CDC123: variants seen among roughly 807,000 people sequenced by gnomAD.
The protein encoded by CDC123 is cell division cycle 123.
Under a neutral mutation model 54.4 loss-of-function variants are expected in CDC123, and 37 were observed. The observed-to-expected ratio is 0.68, with a 90% CI of 0.52 to 0.89. The LOEUF is 0.89. Among genes scored for constraint, CDC123 ranks in the 40% least tolerant of loss-of-function variants. The probability of loss-of-function intolerance (pLI) is 0.00; values close to 1 mark genes in which losing one functional copy is unlikely to be tolerated. For missense variants in CDC123, 361 were observed against 412.1 expected, an observed-to-expected ratio of 0.88 and a Z score of 1.07; for synonymous variants, 144 against 136.8, an observed-to-expected ratio of 1.05 and a Z score of -0.37.
chr10:12,240,975 A>G (rs964205161), intron 10 of CDC123, among the ~76,000 whole-genome samples: 1 of 152,144 alleles, frequency 6.6e-6, no homozygotes, highest in Non-Finnish European at 1.5e-5. Context: ...TCAAAAGTGA[A>G]ATGTATTTTA....
chr10:12,245,960 C>T, intron 10 of CDC123, 189 bp from the exon 11 acceptor site: 2 of 538,490 alleles, frequency 3.7e-6, no homozygotes, highest in East Asian at 6.4e-5. Flanking sequence ...GTCCCAGGTA[C>T]TGAGGAGGCT....
intron 6 of CDC123, among the ~76,000 whole-genome samples, chr10:12,229,587 G>T (rs1284888979): frequency 6.6e-6 from 1 of 152,176 alleles, no homozygotes; most frequent in Non-Finnish European, 1.5e-5. Context: ...CAGCTAATCA[G>T]TTCTTCCTTG....
At chr10:12,203,077 G>T (rs944495745) in intron 2 of CDC123, among the ~76,000 whole-genome samples, 1 of 152,174 alleles carries the variant, frequency 6.6e-6, no homozygotes, top group Non-Finnish European at 1.5e-5. Context: ...AGATGCGTAG[G>T]GTGAGGTGTA....
intron 5 of CDC123, among the ~76,000 whole-genome samples, chr10:12,216,814 C>T (rs528610145): frequency 3.3e-5 from 5 of 152,114 alleles, no homozygotes; most frequent in Non-Finnish European, 7.3e-5. Context: ...TTGCATTTGC[C>T]TTCCCATCTT....
intron 2 of CDC123, among the ~76,000 whole-genome samples, chr10:12,204,571 C>T (rs1419855538): frequency 1.3e-5 from 2 of 152,240 alleles, no homozygotes; most frequent in East Asian, 1.9e-4. Flanking sequence ...GACATTAGCA[C>T]ATCGTGGAGA....
At chr10:12,235,917 T>C (rs1181157042) in intron 8 of CDC123, among the ~76,000 whole-genome samples, 13 of 152,192 alleles carry the variant, frequency 8.5e-5, no homozygotes, top group Non-Finnish European at 1.9e-4. Flanking sequence ...AGAGAACTTT[T>C]CCCTAGGACT....
intron 1 of CDC123, among the ~76,000 whole-genome samples, chr10:12,196,545 A>G (rs561230007): frequency 1.3e-5 from 2 of 152,278 alleles, no homozygotes; most frequent in East Asian, 1.9e-4. Context: ...GGCGGGAGGA[A>G]TAGTGGATTA....
intron 2 of CDC123, among the ~76,000 whole-genome samples, chr10:12,203,217 G>A (rs2131731598): frequency 6.6e-6 from 1 of 152,284 alleles, no homozygotes; most frequent in East Asian, 1.9e-4. Flanking sequence ...GTCTGCCATG[G>A]ACCCTAATTC....
intron 4 of CDC123, among the ~76,000 whole-genome samples, chr10:12,213,735 G>A (rs774221409): frequency 1.3e-4 from 20 of 152,278 alleles, no homozygotes; most frequent in Non-Finnish European, 2.5e-4. Flanking sequence ...TTTAACTCAT[G>A]AGGGAACCAG....
At chr10:12,245,641 C>G (rs1329587781) in intron 10 of CDC123, 1 of 151,722 alleles carries the variant, frequency 6.6e-6, no homozygotes, top group East Asian at 1.9e-4. Flanking sequence ...TTACTGGGTC[C>G]CTTCTCTCTT....
At chr10:12,206,794 T>G (rs1336596543) in intron 2 of CDC123, among the ~76,000 whole-genome samples, 1 of 151,872 alleles carries the variant, frequency 6.6e-6, no homozygotes, top group Non-Finnish European at 1.5e-5. Context: ...CCATCTCTAC[T>G]AAAAATGCAA....
chr10:12,218,130 A>G (rs1043981706), intron 6 of CDC123, among the ~76,000 whole-genome samples: 1 of 152,216 alleles, frequency 6.6e-6, no homozygotes, highest in East Asian at 1.9e-4. Context: ...TCTTGCCACA[A>G]TTGGTTATTA....
intron 9 of CDC123, among the ~76,000 whole-genome samples, chr10:12,237,969 A>G (rs1024644153): frequency 6.6e-6 from 1 of 152,248 alleles, no homozygotes; most frequent in Admixed American, 6.5e-5. Context: ...TCTGAAAATT[A>G]TATCTGCTAT....
At chr10:12,218,281 C>A (rs1835689004) in intron 6 of CDC123, among the ~76,000 whole-genome samples, 1 of 129,818 alleles carries the variant, frequency 7.7e-6, no homozygotes, top group African/African-American at 2.9e-5. Context: ...GGGTCTCACT[C>A]TGTCTCCCAG....
chr10:12,241,418 C>T (rs1836055764), intron 10 of CDC123, among the ~76,000 whole-genome samples: 1 of 152,020 alleles, frequency 6.6e-6, no homozygotes, highest in Non-Finnish European at 1.5e-5. Context: ...TTGTCCAGTT[C>T]TTTTGTAACT....
intron 2 of CDC123, among the ~76,000 whole-genome samples, chr10:12,205,091 G>T (rs1409067716): frequency 1.3e-5 from 2 of 149,956 alleles, no homozygotes; most frequent in East Asian, 4.0e-4. Flanking sequence ...ACCCTTCACA[G>T]CCTTTGCTAA....
intron 12 of CDC123, 106 bp downstream of exon 12, chr10:12,249,824 G>A: frequency 7.2e-7 from 1 of 1,380,556 alleles, no homozygotes; most frequent in Non-Finnish European, 9.6e-7. Flanking sequence ...AGACTTTGAT[G>A]GTTATGAATG....
chr10:12,220,437 T>A (rs1252799116), intron 6 of CDC123, among the ~76,000 whole-genome samples: 1 of 152,266 alleles, frequency 6.6e-6, no homozygotes. Context: ...TTAGAGTGTT[T>A]ACCCACAAAA....
In CDC123 at chr10:12,235,142, GTTTGT is replaced by G. The variant is rs1229744616; in HGVS notation, c.565+23_565+27del. ...CTTATTGGTGAGTTTTTGTTTGTTT[GTTTGT>G]TTTATCCTTCAAAGTCATCTTTAAA... On this transcript the variant is annotated intron_variant, in intron 8 of 12. Coordinates refer to ENST00000281141, the MANE Select transcript of CDC123 (RefSeq NM_006023.3). The G allele has an allele frequency of 1.4e-5, 22 of 1,594,662 alleles. No individual in the cohort carries two copies. Among genetic ancestry groups the G allele is most frequent in the African/African-American group, 2.8e-5 (2 of 71,548 alleles).
Sources: gnomAD v4.1 joint callset for allele counts (sites outside exome capture counted in the v4.1 genomes callset) on GRCh38, gnomAD v4.1.1 for gene constraint, MANE v1.5 for transcripts, NCBI Gene and HGNC (gene_info 2026-07-23, HGNC 2026-07-21) for gene names.